Variants in GON4L observed in about 807,000 individuals in gnomAD.
GON4L encodes gon-4 like, also known as GON-4-like protein.
In GON4L, 87 loss-of-function variants were observed where a neutral mutation model predicts 211.8. The ratio of observed to expected loss-of-function variants is 0.41; its 90% CI spans 0.35 to 0.49. GON4L has a LOEUF of 0.49. Among genes scored for constraint, GON4L ranks in the 20% least tolerant of loss-of-function variants. The pLI, the probability that GON4L is intolerant of heterozygous loss-of-function variation, is 0.15. For synonymous variants in GON4L, 875 were observed against 962.6 expected (o/e 0.91, Z 1.68); for missense variants, 2,155 against 2,659.5 (o/e 0.81, Z 4.17).
Position 155,763,424 on chromosome 1 carries a change from C to A in GON4L, c.4614G>T (p.Leu1538=), listed in dbSNP as rs1662050430. ...EEEEAEGMES[L]QKEDEMTDEA... is the part of the protein sequence containing the mutation. ...CATCCGTCATTTCATCCTCTTTCTG[C>A]AGGCTTTCCATTCCTTCTGCTTCTT... Residue 1538 remains leucine (L), a synonymous_variant, in exon 22 of 32, where the codon CTG becomes CTT. Transcript: ENST00000368331. 2 of 1,581,950 alleles carry A rather than the reference C, an allele frequency of 1.3e-6. No individual in the cohort carries two copies. Among genetic ancestry groups the A allele is most frequent in the East Asian group, 2.3e-5 (1 of 43,618 alleles).
At chr1:155,780,000 C>T (rs899681060) in intron 14 of GON4L, among the ~76,000 whole-genome samples, 3 of 151,714 alleles carry the variant, frequency 2.0e-5, no homozygotes, top group Admixed American at 6.6e-5. Flanking sequence ...GGTTTCGCCA[C>T]GTTAGCCAGG....
chr1:155,791,855 C>T (rs112580817), intron 12 of GON4L, among the ~76,000 whole-genome samples: 9,943 of 150,218 alleles, frequency 0.066, 414 homozygotes, highest in African/African-American at 0.11. Flanking sequence ...GCGACAACAG[C>T]GAAACTCCAT....
intron 11 of GON4L, 127 bp downstream of exon 11, chr1:155,804,821 TA>T: frequency 1.3e-6 from 1 of 748,860 alleles, no homozygotes; most frequent in Non-Finnish European, 2.4e-6. Context: ...TGATTTAAGA[TA>T]AATTATCAGT....
chr1:155,791,821 T>C (rs978375900), intron 12 of GON4L, among the ~76,000 whole-genome samples: 1 of 151,948 alleles, frequency 6.6e-6, no homozygotes, highest in Non-Finnish European at 1.5e-5. Context: ...TGAGCTGAGA[T>C]TGCACCATTG....
At chr1:155,832,331 G>A (rs1669874511) in intron 2 of GON4L, among the ~76,000 whole-genome samples, 1 of 147,940 alleles carries the variant, frequency 6.8e-6, no homozygotes, top group South Asian at 2.2e-4. Context: ...AAAGAAACAT[G>A]ATTTAACAAT....
intron 15 of GON4L, 118 bp downstream of exon 15, chr1:155,777,504 A>G (rs968028937): frequency 2.1e-5 from 17 of 815,510 alleles, no homozygotes; most frequent in Non-Finnish European, 3.4e-5. Flanking sequence ...GCTTGAGCCC[A>G]GAAAGCAGAG....
chr1:155,848,135 C>T (rs955380764), intron 2 of GON4L, among the ~76,000 whole-genome samples: 1 of 152,108 alleles, frequency 6.6e-6, no homozygotes, highest in Non-Finnish European at 1.5e-5. Flanking sequence ...TATGGGGCAG[C>T]CATTTCCTGT....
Position 155,765,556 on chromosome 1 carries a change from G to C in GON4L, c.3917C>G (p.Pro1306Arg). 1 of 1,614,190 alleles carries C rather than the reference G, an allele frequency of 6.2e-7. No individual in the cohort carries two copies. Among genetic ancestry groups the C allele is most frequent in the African/African-American group, 1.3e-5 (1 of 75,028 alleles). Residue 1306 changes from proline (P) to arginine (R), a missense_variant, in exon 21 of 32, where the codon CCT (proline) becomes CGT (arginine). Transcript: ENST00000368331. ...GTTTAGAGACTCCTGGATGCCCTGA[G>C]GGAGCGGCTCCAGAGCTTGCCTCCC... ...EEGRQALEPL[P>R]QGIQESLNNP...
chr1:155,837,575 G>A (rs1670424142), intron 2 of GON4L, among the ~76,000 whole-genome samples: 1 of 151,940 alleles, frequency 6.6e-6, no homozygotes, highest in Non-Finnish European at 1.5e-5. Flanking sequence ...TCATGGTAAG[G>A]TGACCCTTCA....
Position 155,762,377 on chromosome 1 carries a change from T to C in GON4L, c.4727-3A>G, listed in dbSNP as rs1046546189. The stretch of plus-strand genomic sequence containing the variant: ...TCCAGCAGCTTTGATGCTCTCTCCT[T>C]GTAGCACACATGAAAAGGATTGTTT... On this transcript the variant is annotated splice_polypyrimidine_tract_variant and splice_region_variant and intron_variant, in intron 22 of 31. Coordinates refer to ENST00000368331, the MANE Select transcript of GON4L (RefSeq NM_001282860.2). The C allele has an allele frequency of 1.2e-6, 2 of 1,601,652 alleles. No individual in the cohort carries two copies. The highest frequency in any genetic ancestry group is 2.2e-5 in the East Asian group (1 of 44,614).
At chr1:155,817,770 A>C (rs895006934) in intron 6 of GON4L, among the ~76,000 whole-genome samples, 3 of 152,096 alleles carry the variant, frequency 2.0e-5, no homozygotes, top group African/African-American at 7.2e-5. Flanking sequence ...TTTCAAAAAA[A>C]CCAATTAGCT....
chr1:155,783,122 C>A (rs1195337539), intron 14 of GON4L, among the ~76,000 whole-genome samples: 2 of 152,132 alleles, frequency 1.3e-5, no homozygotes, highest in Admixed American at 1.3e-4. Flanking sequence ...CAAATACTGA[C>A]TTAGCAATCT....
chr1:155,825,716 G>C (rs1300573379), intron 3 of GON4L, among the ~76,000 whole-genome samples: 1 of 152,062 alleles, frequency 6.6e-6, no homozygotes, highest in Non-Finnish European at 1.5e-5. Context: ...GGGCAATATA[G>C]TGGGGCTCCG....
chr1:155,830,121 T>C (rs758392244), intron 2 of GON4L, among the ~76,000 whole-genome samples: 21 of 151,668 alleles, frequency 1.4e-4, no homozygotes, highest in Non-Finnish European at 2.9e-4. Context: ...CAGCTAATTT[T>C]TTATTTTTAG....
At position 155,814,419 on chromosome 1, in the gene GON4L, C is replaced by A. The variant is rs180707019; in HGVS notation, c.1192G>T (p.Ala398Ser). 6.2e-7 allele frequency: 1 copy of A among 1,613,426 alleles called. No individual in the cohort carries two copies. Among genetic ancestry groups the A allele is most frequent in the African/African-American group, 1.3e-5 (1 of 74,912 alleles). ...SLLESDVEST[A>S]SSPRGAKKSR... ...TTCTTTGCCCCACGTGGAGATGAAG[C>A]AGTGCTTTCAACATCACTTTCCAAT... The change falls in exon 9 of 32, where the codon GCT becomes TCT. Residue 398 changes from alanine (A) to serine (S), a missense_variant. Ala to Ser is a moderately conservative substitution (Grantham distance 99). Transcript: ENST00000368331.
At chr1:155,785,882 G>A (rs1292220737) in intron 12 of GON4L, among the ~76,000 whole-genome samples, 1 of 152,158 alleles carries the variant, frequency 6.6e-6, no homozygotes, top group Non-Finnish European at 1.5e-5. Context: ...GGATCACAAA[G>A]TCAGGAGATT....
At chr1:155,854,446 C>T (rs1333733384) in intron 1 of GON4L, among the ~76,000 whole-genome samples, 4 of 152,144 alleles carry the variant, frequency 2.6e-5, no homozygotes, top group Non-Finnish European at 4.4e-5. Flanking sequence ...TGAGCCACCG[C>T]GTCCAGCAAA....
chr1:155,806,974 T>C (rs76774146), intron 10 of GON4L, among the ~76,000 whole-genome samples: 4,301 of 151,770 alleles, frequency 0.028, 198 homozygotes, highest in African/African-American at 0.094. Context: ...GTGGCACCAA[T>C]TGTAGTCCCA....
At chr1:155,844,344 A>G (rs1433783839) in intron 2 of GON4L, among the ~76,000 whole-genome samples, 1 of 152,218 alleles carries the variant, frequency 6.6e-6, no homozygotes, top group Non-Finnish European at 1.5e-5. Context: ...GACCGACTGC[A>G]CATATATTAA....
Sources: allele counts gnomAD v4.1 joint callset (sites outside exome capture counted in the v4.1 genomes callset), GRCh38; gene constraint gnomAD v4.1.1; transcripts MANE v1.5; gene names NCBI Gene and HGNC (gene_info 2026-07-23, HGNC 2026-07-21).